DCC: variants seen among roughly 807,000 people sequenced by gnomAD.
DCC encodes the protein DCC netrin 1 receptor, also known as netrin receptor DCC.
A neutral mutation model predicts 172.5 loss-of-function variants in DCC; 58 were observed. That is an observed-to-expected ratio of 0.34 (90% CI 0.27 to 0.42). DCC has a LOEUF of 0.42. Ranked by LOEUF, DCC falls within the 10% of genes least tolerant of loss-of-function variation. DCC has a pLI of 1.00. For missense variants in DCC, 1,740 were observed against 1,791.0 expected, an observed-to-expected ratio of 0.97 and a Z score of 0.51; for synonymous variants, 709 against 644.5, an observed-to-expected ratio of 1.10 and a Z score of -1.52.
At chr18:52,475,278 G>A (rs946758410) in intron 1 of DCC, among the ~76,000 whole-genome samples, 30 of 152,156 alleles carry the variant, frequency 2.0e-4, no homozygotes, top group African/African-American at 7.0e-4. Context: ...AATTCAGTAG[G>A]CACTGTCAGG....
chr18:52,989,470 C>A (rs370243810), intron 5 of DCC, among the ~76,000 whole-genome samples: 2 of 152,080 alleles, frequency 1.3e-5, no homozygotes, highest in Non-Finnish European at 2.9e-5. Context: ...TTGCAGTGAA[C>A]CGAGATCACA....
intron 19 of DCC, among the ~76,000 whole-genome samples, chr18:53,406,409 A>AAAAAATG (rs113958073): frequency 1.3e-5 from 2 of 150,162 alleles, no homozygotes; most frequent in Admixed American, 1.3e-4. Context: ...AGGTTTAAAA[A>AAAAAATG]AAAAAGAGAA....
intron 2 of DCC, among the ~76,000 whole-genome samples, chr18:52,886,636 A>T (rs895016621): frequency 5.3e-5 from 8 of 152,160 alleles, no homozygotes. Context: ...GGGGGGTCAG[A>T]CAAAACCTCT....
At chr18:52,425,994 G>T (rs1030783538) in intron 1 of DCC, among the ~76,000 whole-genome samples, 2 of 152,070 alleles carry the variant, frequency 1.3e-5, no homozygotes, top group Non-Finnish European at 2.9e-5. Flanking sequence ...TTAGGCTCAA[G>T]ATCTCACTGT....
chr18:52,670,238 T>C (rs1001202672), intron 1 of DCC, among the ~76,000 whole-genome samples: 1 of 152,228 alleles, frequency 6.6e-6, no homozygotes, highest in Non-Finnish European at 1.5e-5. Flanking sequence ...TCATTCTTAC[T>C]TTCTAGTATC....
chr18:52,571,381 T>C (rs1450997929), intron 1 of DCC, among the ~76,000 whole-genome samples: 2 of 151,968 alleles, frequency 1.3e-5, no homozygotes, highest in East Asian at 3.9e-4. Context: ...TCAGTGTTTC[T>C]ATTGTTAATG....
intron 2 of DCC, among the ~76,000 whole-genome samples, chr18:52,809,574 G>A (rs1271274117): frequency 3.3e-5 from 5 of 152,154 alleles, no homozygotes; most frequent in Admixed American, 6.5e-5. Context: ...GGCAATGGGC[G>A]ACTTGCTGGA....
At chr18:53,450,765 T>G in intron 23 of DCC, 103 bp downstream of exon 23, 1 of 987,754 alleles carries the variant, frequency 1.0e-6, no homozygotes, top group Non-Finnish European at 1.6e-6. Flanking sequence ...CCCCATGTCC[T>G]TACTTCCTAA....
intron 1 of DCC, among the ~76,000 whole-genome samples, chr18:52,578,929 C>T (rs546811011): frequency 2.0e-5 from 3 of 152,160 alleles, no homozygotes; most frequent in South Asian, 2.1e-4. Flanking sequence ...TGCAGTGAGC[C>T]GAGATCACGC....
At chr18:53,203,229 G>T (rs2055571386) in intron 9 of DCC, among the ~76,000 whole-genome samples, 1 of 151,494 alleles carries the variant, frequency 6.6e-6, no homozygotes, top group Non-Finnish European at 1.5e-5. Flanking sequence ...GTGTGTGTGT[G>T]TGTGTGCGTG....
chr18:52,664,351 C>T (rs1226901682), intron 1 of DCC, among the ~76,000 whole-genome samples: 1 of 151,544 alleles, frequency 6.6e-6, no homozygotes, highest in African/African-American at 2.4e-5. Flanking sequence ...AGGAAGGAAA[C>T]TTTTGCTACA....
chr18:53,518,817 T>G (rs1387206070), intron 27 of DCC, among the ~76,000 whole-genome samples: 7 of 152,138 alleles, frequency 4.6e-5, no homozygotes, highest in African/African-American at 1.7e-4. Flanking sequence ...GATTGAGCAT[T>G]CGTAAATTTA....
intron 2 of DCC, among the ~76,000 whole-genome samples, chr18:52,786,102 A>G (rs1659367335): frequency 6.6e-6 from 1 of 152,096 alleles, no homozygotes; most frequent in African/African-American, 2.4e-5. Flanking sequence ...TGTAGTAGGT[A>G]CTTTCCACAT....
intron 7 of DCC, among the ~76,000 whole-genome samples, chr18:53,099,943 C>CTTTTTTTTTTTTT (rs533618559): frequency 1.9e-4 from 18 of 92,740 alleles, no homozygotes; most frequent in African/African-American, 3.0e-4. Context: ...TTCTTTCTTT[C>CTTTTTTTTTTTTT]TTTTTTTTTT....
At position 52,436,494 on chromosome 18, in the gene DCC, T is replaced by C. The variant is rs144535319; in HGVS notation, c.91+95616T>C. 5.7e-3 allele frequency among the ~76,000 whole-genome samples: 865 copies of C among 152,356 alleles called. 10 individuals carry two copies. The highest frequency in any genetic ancestry group is 0.02 in the African/African-American group (835 of 41,584). ...GGAAAGCTTGTTACATATGCGATCC[T>C]GGGACCCACCTCACTATCTCGGACC... On this transcript the variant is annotated intron_variant, in intron 1 of 28. Transcript: ENST00000442544.
At chr18:53,266,846 G>T (rs548800098) in intron 12 of DCC, among the ~76,000 whole-genome samples, 1 of 151,226 alleles carries the variant, frequency 6.6e-6, no homozygotes, top group South Asian at 2.1e-4. Context: ...TTTGGAGCAC[G>T]TGCCAATATT....
At chr18:52,796,061 C>CTTTTTTTT (rs10634818) in intron 2 of DCC, among the ~76,000 whole-genome samples, 2 of 143,116 alleles carry the variant, frequency 1.4e-5, no homozygotes, top group Non-Finnish European at 3.0e-5. Flanking sequence ...GGTACAGTTA[C>CTTTTTTTT]TTTTTTTTTT....
At chr18:53,437,419 A>T (rs1599150519) in intron 22 of DCC, among the ~76,000 whole-genome samples, 2 of 151,776 alleles carry the variant, frequency 1.3e-5, no homozygotes, top group Non-Finnish European at 2.9e-5. Flanking sequence ...TCTCTACTAA[A>T]AACACAAAAA....
At chr18:52,563,875 T>C (rs1467380178) in intron 1 of DCC, among the ~76,000 whole-genome samples, 2 of 152,162 alleles carry the variant, frequency 1.3e-5, no homozygotes, top group Admixed American at 6.6e-5. Context: ...GAATGCCCCT[T>C]AGTAGGGTTC....
Sources: gnomAD v4.1 joint callset for allele counts (sites outside exome capture counted in the v4.1 genomes callset) on GRCh38, gnomAD v4.1.1 for gene constraint, MANE v1.5 for transcripts, NCBI Gene and HGNC (gene_info 2026-07-23, HGNC 2026-07-21) for gene names.